The following TTLL7 variants were observed in gnomAD, a reference collection of about 807,000 sequenced individuals.
TTLL7 encodes tubulin tyrosine ligase like 7.
TTLL7 carries 53 observed loss-of-function variants against 120.2 expected under a neutral mutation model. That is an observed-to-expected ratio of 0.44 (90% confidence interval 0.35 to 0.55). The LOEUF is 0.55. Among genes scored for constraint, TTLL7 ranks in the 20% least tolerant of loss-of-function variants. The pLI is 0.00. For synonymous variants in TTLL7, 353 were observed against 351.7 expected (o/e 1.00, Z -0.04); for missense variants, 803 against 1,054.7 (o/e 0.76, Z 3.31).
At chr1:83,872,134 C>G (rs185487068) in intron 20 of TTLL7, among the ~76,000 whole-genome samples, 6 of 152,172 alleles carry the variant, frequency 3.9e-5, no homozygotes, top group African/African-American at 1.2e-4. Flanking sequence ...AATAGCAGAA[C>G]TTTCTATAAT....
chr1:83,896,562 A>G (rs1461786126), intron 18 of TTLL7, among the ~76,000 whole-genome samples: 1 of 152,226 alleles, frequency 6.6e-6, no homozygotes, highest in African/African-American at 2.4e-5. Context: ...CTATAGGGTA[A>G]AGGCATCTTT....
chr1:83,884,955 G>C (rs1487385835), intron 19 of TTLL7: 3 of 157,706 alleles, frequency 1.9e-5, no homozygotes, highest in Non-Finnish European at 4.1e-5. Flanking sequence ...ACAGTAATTC[G>C]ACGGTTAAAT....
chr1:83,983,485 A>C (rs562081716), intron 1 of TTLL7, among the ~76,000 whole-genome samples: 1 of 152,336 alleles, frequency 6.6e-6, no homozygotes, highest in East Asian at 1.9e-4. Context: ...TAAAGATTTA[A>C]ATGTAACCCC....
At chr1:83,878,813 T>G (rs912978603) in intron 20 of TTLL7, among the ~76,000 whole-genome samples, 1 of 151,950 alleles carries the variant, frequency 6.6e-6, no homozygotes, top group Admixed American at 6.6e-5. Flanking sequence ...GGTATGCATA[T>G]TATTATTTTT....
At chr1:83,892,827 C>CATATATATGAACGCATATGTGAACAT (rs1553129331) in intron 18 of TTLL7, among the ~76,000 whole-genome samples, 5 of 148,228 alleles carry the variant, frequency 3.4e-5, no homozygotes, top group African/African-American at 7.5e-5. Context: ...CATATGTGAA[C>CATATATATGAACGCATATGTGAACAT]ATATATATGA....
intron 10 of TTLL7, among the ~76,000 whole-genome samples, chr1:83,924,975 A>C (rs146442702): frequency 1.3e-5 from 2 of 152,290 alleles, no homozygotes; most frequent in African/African-American, 4.8e-5. Context: ...TGCCTTGTAC[A>C]TAATTCTAAG....
chr1:83,890,176 T>C (rs1224611738), intron 19 of TTLL7, 145 bp downstream of exon 19: 4 of 779,352 alleles, frequency 5.1e-6, no homozygotes, highest in Non-Finnish European at 8.1e-6. Context: ...TTAATTGATA[T>C]AAATTATAGT....
chr1:83,947,560 C>T, intron 5 of TTLL7: 1 of 292,860 alleles, frequency 3.4e-6, no homozygotes, highest in Non-Finnish European at 6.3e-6. Context: ...TTTTAGAGTA[C>T]ACACTCTGTG....
chr1:83,916,338 G>A (rs1658179817), intron 14 of TTLL7, among the ~76,000 whole-genome samples: 1 of 152,148 alleles, frequency 6.6e-6, no homozygotes, highest in Non-Finnish European at 1.5e-5. Context: ...CATGTCCTTT[G>A]TAGGGACATG....
chr1:83,954,500 T>A (rs756155549), intron 1 of TTLL7, among the ~76,000 whole-genome samples: 4 of 152,208 alleles, frequency 2.6e-5, no homozygotes, highest in Non-Finnish European at 5.9e-5. Context: ...CATAGTTACC[T>A]ACTTTCCAAA....
intron 1 of TTLL7, among the ~76,000 whole-genome samples, chr1:83,973,891 G>A (rs1651217640): frequency 6.6e-6 from 1 of 151,954 alleles, no homozygotes; most frequent in Non-Finnish European, 1.5e-5. Context: ...AATTATTTGG[G>A]AAGAGTCATG....
chr1:83,885,061 T>G, intron 19 of TTLL7: 1 of 289,138 alleles, frequency 3.5e-6, no homozygotes. Context: ...TAGATAGAGA[T>G]ATAAATCTAC....
chr1:83,964,545 G>T (rs1275866713), intron 1 of TTLL7, among the ~76,000 whole-genome samples: 1 of 152,060 alleles, frequency 6.6e-6, no homozygotes, highest in East Asian at 1.9e-4. Context: ...CAGTAAACTT[G>T]TTTTTAATGC....
chr1:83,881,211 C>T (rs1391101349), intron 20 of TTLL7, among the ~76,000 whole-genome samples: 1 of 151,674 alleles, frequency 6.6e-6, no homozygotes, highest in Non-Finnish European at 1.5e-5. Context: ...ACACCAAAAG[C>T]AATGGCAAAA....
In TTLL7 at chr1:83,867,963, A is replaced by C. The variant is rs1460388136; in HGVS notation, c.*1999T>G. The C allele has an allele frequency of 6.6e-6, 1 of 152,258 alleles. No homozygotes were observed. Among genetic ancestry groups the C allele is most frequent in the East Asian group, 1.9e-4 (1 of 5,184 alleles). The allele number at this position is 152,258 out of a possible 1,614,324, so 9.4% of individuals were successfully genotyped here. Reference sequence around the variant, plus strand: ...GATACCCTTATTCTCTTCTTCCACAAATAGCAAATTCTTCTTTGGGATGCA... The same window carrying C: ...GATACCCTTATTCTCTTCTTCCACACATAGCAAATTCTTCTTTGGGATGCA... On this transcript the variant is annotated 3_prime_UTR_variant, in exon 21 of 21. Transcript: ENST00000260505.
At chr1:83,939,707 A>G (rs1427328766) in intron 7 of TTLL7, among the ~76,000 whole-genome samples, 1 of 152,200 alleles carries the variant, frequency 6.6e-6, no homozygotes, top group Non-Finnish European at 1.5e-5. Flanking sequence ...GCAAAAACAA[A>G]TGTTTATTAT....
At chr1:83,973,498 A>G in intron 1 of TTLL7, among the ~76,000 whole-genome samples, 1 of 152,056 alleles carries the variant, frequency 6.6e-6, no homozygotes, top group East Asian at 1.9e-4. Context: ...AAAGTTGGGT[A>G]GTGTCTGTCC....
At chr1:83,924,238 G>A (rs1488218750) in intron 10 of TTLL7, among the ~76,000 whole-genome samples, 1 of 152,126 alleles carries the variant, frequency 6.6e-6, no homozygotes, top group Non-Finnish European at 1.5e-5. Flanking sequence ...AAATGTGGGG[G>A]GAAGTATGAT....
At chr1:83,920,998 T>C in intron 12 of TTLL7, 89 bp downstream of exon 12, 1 of 1,384,280 alleles carries the variant, frequency 7.2e-7, no homozygotes, top group Non-Finnish European at 9.9e-7. Flanking sequence ...AGAAAAATGC[T>C]TAAAATAAGC....
Sources: allele counts gnomAD v4.1 joint callset (sites outside exome capture counted in the v4.1 genomes callset), GRCh38; gene constraint gnomAD v4.1.1; transcripts MANE v1.5; gene names NCBI Gene and HGNC (gene_info 2026-07-23, HGNC 2026-07-21).